The following PPP2R2B variants were observed in gnomAD, a reference collection of about 807,000 sequenced individuals.
The protein encoded by PPP2R2B is protein phosphatase 2 regulatory subunit Bbeta, also known as serine/threonine-protein phosphatase 2A 55 kDa regulatory subunit B beta isoform.
In PPP2R2B, 5 loss-of-function variants were observed where a neutral mutation model predicts 46.0. That is an observed-to-expected ratio of 0.11 (90% CI 0.06 to 0.23). PPP2R2B has a LOEUF of 0.23. PPP2R2B is among the 10% of genes least tolerant of loss of function. The pLI is 1.00. For synonymous variants in PPP2R2B, 215 were observed against 206.7 expected, an observed-to-expected ratio of 1.04 and a Z score of -0.34; for missense variants, 367 against 575.0, an observed-to-expected ratio of 0.64 and a Z score of 3.70.
chr5:146,620,998 A>T (rs1404615972), intron 7 of PPP2R2B, among the ~76,000 whole-genome samples: 2 of 152,240 alleles, frequency 1.3e-5, no homozygotes, highest in Non-Finnish European at 2.9e-5. Flanking sequence ...GCACAGGCAC[A>T]GAAAGGGAGA....
intron 1 of PPP2R2B, among the ~76,000 whole-genome samples, chr5:146,931,025 C>A (rs1052250430): frequency 6.6e-6 from 1 of 151,998 alleles, no homozygotes; most frequent in Non-Finnish European, 1.5e-5. Context: ...CAGCTAGTTG[C>A]CTGAATATTT....
At chr5:147,018,769 C>T (rs1755124862) in intron 1 of PPP2R2B, among the ~76,000 whole-genome samples, 1 of 152,074 alleles carries the variant, frequency 6.6e-6, no homozygotes, top group African/African-American at 2.4e-5. Flanking sequence ...CTTTGGACTA[C>T]CAGCTTTTAA....
chr5:146,857,676 C>A (rs569578240), intron 2 of PPP2R2B, among the ~76,000 whole-genome samples: 3 of 150,888 alleles, frequency 2.0e-5, no homozygotes, highest in Non-Finnish European at 4.4e-5. Flanking sequence ...AAGACATATA[C>A]ATAACTGTAC....
chr5:146,927,419 C>T (rs922384206), intron 1 of PPP2R2B, among the ~76,000 whole-genome samples: 1 of 152,160 alleles, frequency 6.6e-6, no homozygotes, highest in Non-Finnish European at 1.5e-5. Flanking sequence ...TATAAGATAA[C>T]TTCAGCAACA....
At position 147,038,960 on chromosome 5, in the gene PPP2R2B, T is replaced by C. The variant is rs77698468; in HGVS notation, c.79+16705A>G. 5.6e-3 allele frequency among the ~76,000 whole-genome samples: 854 copies of C among 152,170 alleles called. 9 individuals carry two copies. Among genetic ancestry groups the C allele is most frequent in the African/African-American group, 0.02 (827 of 41,518 alleles). Reference sequence around the variant, plus strand: ...GGGCTTAAGTATTTGAGATTATTGATTTTTTTTAAACACAACTGCAACCCC... The same window carrying C: ...GGGCTTAAGTATTTGAGATTATTGACTTTTTTTAAACACAACTGCAACCCC... On this transcript the variant is annotated intron_variant, in intron 1 of 8. Transcript: ENST00000336640.
chr5:146,884,633 A>G (rs1243126935), intron 1 of PPP2R2B, among the ~76,000 whole-genome samples: 1 of 152,184 alleles, frequency 6.6e-6, no homozygotes, highest in Non-Finnish European at 1.5e-5. Flanking sequence ...AAGTTACAAA[A>G]CTCAAGAGTC....
At chr5:147,012,252 C>T (rs1264478218) in intron 1 of PPP2R2B, among the ~76,000 whole-genome samples, 8 of 152,238 alleles carry the variant, frequency 5.3e-5, no homozygotes, top group South Asian at 2.1e-4. Context: ...GCCACAATTT[C>T]GGATCCTGTT....
chr5:146,809,911 G>A (rs1757421401), intron 2 of PPP2R2B, among the ~76,000 whole-genome samples: 2 of 152,176 alleles, frequency 1.3e-5, no homozygotes, highest in South Asian at 2.1e-4. Context: ...TGGTAGTACT[G>A]GGGATAGAGA....
chr5:146,668,080 C>T (rs1479858033), intron 5 of PPP2R2B, among the ~76,000 whole-genome samples: 1 of 152,322 alleles, frequency 6.6e-6, no homozygotes. Flanking sequence ...TAAATCATCC[C>T]AGAACCTGAC....
intron 2 of PPP2R2B, among the ~76,000 whole-genome samples, chr5:146,736,066 TC>T (rs1390117432): frequency 2.0e-5 from 3 of 152,126 alleles, no homozygotes; most frequent in Non-Finnish European, 4.4e-5. Flanking sequence ...GGGAGCAGTT[TC>T]CCCCATCCTG....
Position 146,600,370 on chromosome 5 carries a change from C to T in PPP2R2B, c.881G>A (p.Arg294Lys). The T allele has an allele frequency of 1.2e-6, 2 of 1,613,938 alleles. No homozygotes were observed. The highest frequency in any genetic ancestry group is 1.7e-6 in the Non-Finnish European group (2 of 1,179,932). The change falls in exon 8 of 10, where the codon AGG (arginine) becomes AAG (lysine). Residue 294 changes from arginine to lysine, a missense_variant. Around this residue, in one of 2 missense-constraint regions of PPP2R2B, gnomAD observed 361 missense variants for 545.5 expected, o/e 0.66. Transcript: ENST00000394411. ...CAAGTAGTCCCTGGTCATGATATACCTCCCACTGTGGCTGAACTTCACATC... is the reference window on the plus strand; with the variant it reads ...CAAGTAGTCCCTGGTCATGATATACTTCCCACTGTGGCTGAACTTCACATC... ...ISDVKFSHSG[R>K]YIMTRDYLTV...
At chr5:146,807,862 C>T (rs972873409) in intron 2 of PPP2R2B, among the ~76,000 whole-genome samples, 6 of 134,746 alleles carry the variant, frequency 4.5e-5, no homozygotes, top group African/African-American at 1.4e-4. Context: ...TGCAATGGCA[C>T]GATCTCAGCT....
At chr5:146,686,041 T>A (rs1778479473) in intron 5 of PPP2R2B, among the ~76,000 whole-genome samples, 1 of 152,196 alleles carries the variant, frequency 6.6e-6, no homozygotes, top group South Asian at 2.1e-4. Context: ...ACATCAGATT[T>A]GGAGTCATGC....
chr5:146,830,846 C>T (rs751112525), intron 2 of PPP2R2B, among the ~76,000 whole-genome samples: 24 of 152,102 alleles, frequency 1.6e-4, no homozygotes, highest in Non-Finnish European at 2.5e-4. Context: ...TTTCACAAAG[C>T]GATTGTGGTA....
At chr5:146,632,348 T>A (rs1248033491) in intron 7 of PPP2R2B, among the ~76,000 whole-genome samples, 1 of 152,162 alleles carries the variant, frequency 6.6e-6, no homozygotes, top group Non-Finnish European at 1.5e-5. Flanking sequence ...CTGCCAACAC[T>A]TCATCTTGGG....
intron 7 of PPP2R2B, among the ~76,000 whole-genome samples, chr5:146,618,555 G>T (rs1389412905): frequency 6.6e-6 from 1 of 152,220 alleles, no homozygotes; most frequent in African/African-American, 2.4e-5. Context: ...AGGGCTCAAA[G>T]TTCATGAATT....
In PPP2R2B at chr5:146,915,614, C is replaced by T. The variant is rs371263287; in HGVS notation, c.79+140051G>A. 3.0e-3 allele frequency among the ~76,000 whole-genome samples: 459 copies of T among 152,312 alleles called. 2 individuals carry two copies. The highest frequency in any genetic ancestry group is 0.011 in the African/African-American group (451 of 41,558). On this transcript the variant is annotated intron_variant, in intron 1 of 8. Coordinates refer to the PPP2R2B transcript ENST00000336640. Reference sequence around the variant, plus strand: ...TCCTTTACCCTAAGTTTAGCTGTCACACTCAGGTGCAGAGTTAGAGAAAGA... The same window carrying T: ...TCCTTTACCCTAAGTTTAGCTGTCATACTCAGGTGCAGAGTTAGAGAAAGA...
At chr5:147,046,135 T>C (rs1480763718) in intron 1 of PPP2R2B, among the ~76,000 whole-genome samples, 1 of 152,176 alleles carries the variant, frequency 6.6e-6, no homozygotes. Context: ...ATCACCCAGC[T>C]GATATCTGAC....
At chr5:146,607,932 C>T (rs556769134) in intron 7 of PPP2R2B, 105 of 152,312 alleles carry the variant, frequency 6.9e-4, no homozygotes, top group African/African-American at 2.5e-3. Flanking sequence ...GCATGTATCC[C>T]ACATGAAGGC....
Sources: gnomAD v4.1 joint callset for allele counts (sites outside exome capture counted in the v4.1 genomes callset) on GRCh38, gnomAD v4.1.1 for gene constraint, gnomAD v4.1.1 regional missense constraint, MANE v1.5 for transcripts, NCBI Gene and HGNC (gene_info 2026-07-23, HGNC 2026-07-21) for gene names.